The following NKAIN2 variants were observed in gnomAD, a reference collection of about 807,000 sequenced individuals.
The protein encoded by NKAIN2 is sodium/potassium-transporting ATPase subunit beta-1-interacting protein 2.
NKAIN2 carries 14 observed loss-of-function variants against 32.6 expected under a neutral mutation model. The ratio of observed to expected loss-of-function variants is 0.43; its 90% CI spans 0.28 to 0.67. NKAIN2 has a LOEUF of 0.67. Among genes scored for constraint, NKAIN2 ranks in the 30% least tolerant of loss-of-function variants. NKAIN2 has a pLI of 0.17. For missense variants in NKAIN2, 198 were observed against 258.3 expected (o/e 0.77, Z 1.60); for synonymous variants, 80 against 87.2 (o/e 0.92, Z 0.46).
At chr6:124,427,610 G>T (rs1775036142) in intron 3 of NKAIN2, among the ~76,000 whole-genome samples, 1 of 152,044 alleles carries the variant, frequency 6.6e-6, no homozygotes, top group South Asian at 2.1e-4. Flanking sequence ...TGAATAATTT[G>T]GATAAAGAAT....
intron 4 of NKAIN2, among the ~76,000 whole-genome samples, chr6:124,752,823 A>C (rs1394341279): frequency 6.6e-6 from 1 of 152,122 alleles, no homozygotes; most frequent in Non-Finnish European, 1.5e-5. Flanking sequence ...TTTTTGAAAT[A>C]CATCGTATTT....
intron 3 of NKAIN2, among the ~76,000 whole-genome samples, chr6:124,581,445 CAAAAAAAAAAAAAA>C (rs57280967): frequency 1.1e-4 from 9 of 81,438 alleles, no homozygotes; most frequent in African/African-American, 3.4e-4. Flanking sequence ...GACTCCGTCT[CAAAAAAAAAAAAAA>C]AAAAAAAAAA....
At chr6:123,942,401 TTAAAA>T (rs1486665115) in intron 1 of NKAIN2, among the ~76,000 whole-genome samples, 1 of 152,040 alleles carries the variant, frequency 6.6e-6, no homozygotes, top group Non-Finnish European at 1.5e-5. Context: ...CATGATAAAA[TTAAAA>T]TAAACCCTTT....
chr6:124,736,602 G>A (rs1401938811), intron 4 of NKAIN2, among the ~76,000 whole-genome samples: 1 of 151,930 alleles, frequency 6.6e-6, no homozygotes, highest in Admixed American at 6.6e-5. Context: ...CATTGCAAAA[G>A]TCCTAAGGAC....
chr6:124,518,453 C>T (rs750796732), intron 3 of NKAIN2, among the ~76,000 whole-genome samples: 1 of 151,998 alleles, frequency 6.6e-6, no homozygotes, highest in Non-Finnish European at 1.5e-5. Flanking sequence ...GCTTTACAGG[C>T]AGCATTGTGC....
In NKAIN2 at chr6:123,815,066, T is replaced by A. The variant is rs560508220; in HGVS notation, c.54+10812T>A. ...GAACATGTGCTGAATAAATTGTGTG[T>A]TTCTACCCTTTGGCAATTAGGATAT... On this transcript the variant is annotated intron_variant, in intron 1 of 6. Transcript: ENST00000368417. Among the ~76,000 whole-genome samples, 9 of 152,322 alleles carry A rather than the reference T, an allele frequency of 5.9e-5. No individual in the cohort carries two copies. The South Asian group carries it at 1.9e-3, about 32-fold the overall frequency.
chr6:124,784,543 G>C (rs1459874457), intron 4 of NKAIN2, among the ~76,000 whole-genome samples: 2 of 152,062 alleles, frequency 1.3e-5, no homozygotes, highest in African/African-American at 4.8e-5. Context: ...CATGCAGGCT[G>C]TTGCATGTAT....
intron 1 of NKAIN2, among the ~76,000 whole-genome samples, chr6:123,902,664 G>A (rs1373341889): frequency 6.6e-6 from 1 of 151,994 alleles, no homozygotes; most frequent in African/African-American, 2.4e-5. Context: ...CCCTGTTTGG[G>A]CATAATACAT....
chr6:124,808,927 G>T (rs1018051924), intron 5 of NKAIN2, among the ~76,000 whole-genome samples: 1 of 152,150 alleles, frequency 6.6e-6, no homozygotes, highest in African/African-American at 2.4e-5. Context: ...CCTTACAAGG[G>T]ACGTGAAGGA....
At chr6:124,591,262 G>T (rs1461003374) in intron 3 of NKAIN2, among the ~76,000 whole-genome samples, 1 of 152,202 alleles carries the variant, frequency 6.6e-6, no homozygotes, top group Non-Finnish European at 1.5e-5. Flanking sequence ...GACTCTTCTG[G>T]CCCGAGACAA....
intron 1 of NKAIN2, among the ~76,000 whole-genome samples, chr6:124,061,055 T>G (rs1490856701): frequency 6.6e-6 from 1 of 152,204 alleles, no homozygotes; most frequent in African/African-American, 2.4e-5. Flanking sequence ...TCATGTGATT[T>G]GATCAAAGGG....
At chr6:124,224,972 T>C (rs1792030996) in intron 1 of NKAIN2, among the ~76,000 whole-genome samples, 1 of 152,014 alleles carries the variant, frequency 6.6e-6, no homozygotes, top group Non-Finnish European at 1.5e-5. Context: ...AGTACTACAG[T>C]GGGCCCCAAG....
intron 4 of NKAIN2, among the ~76,000 whole-genome samples, chr6:124,677,117 C>T (rs571822502): frequency 3.3e-4 from 50 of 152,118 alleles, no homozygotes; most frequent in East Asian, 5.8e-4. Flanking sequence ...TGCAGGTCCA[C>T]GCCACCACAC....
In NKAIN2 at chr6:124,212,933, C is replaced by T. The variant is rs575968244; in HGVS notation, c.55-70072C>T. On this transcript the variant is annotated intron_variant, in intron 1 of 6. Coordinates refer to ENST00000368417, the MANE Select transcript of NKAIN2 (RefSeq NM_001040214.3). Reference sequence around the variant, plus strand: ...CAAAAATCAGTTTATTAATAGCTCTCCTGTGGAAACACTCATGATGTAAAT... The same window carrying T: ...CAAAAATCAGTTTATTAATAGCTCTTCTGTGGAAACACTCATGATGTAAAT... Among the ~76,000 whole-genome samples, 270 of 152,162 alleles carry T rather than the reference C, an allele frequency of 1.8e-3. 2 individuals are homozygous for T. Among genetic ancestry groups the T allele is most frequent in the Non-Finnish European group, 2.0e-3 (134 of 67,986 alleles).
chr6:123,886,660 A>G lies in NKAIN2; in HGVS notation c.54+82406A>G, dbSNP rs182888096. Among the ~76,000 whole-genome samples the G allele has an allele frequency of 4.1e-4, 63 of 152,268 alleles. No individual in the cohort carries two copies. In the East Asian group the frequency reaches 0.011, roughly 27 times the overall value. ...TTCTATGTAGAACATGTTAACGGAAAGGGGAAGCATATAAAGTTAATTTTT... is the reference window on the plus strand; with the variant it reads ...TTCTATGTAGAACATGTTAACGGAAGGGGGAAGCATATAAAGTTAATTTTT... On this transcript the variant is annotated intron_variant, in intron 1 of 6. Coordinates refer to ENST00000368417, the MANE Select transcript of NKAIN2 (RefSeq NM_001040214.3).
At chr6:124,696,887 A>G (rs938212661) in intron 4 of NKAIN2, among the ~76,000 whole-genome samples, 2 of 152,006 alleles carry the variant, frequency 1.3e-5, no homozygotes. Flanking sequence ...GGCTACTGTA[A>G]TTTGTTTGAC....
intron 3 of NKAIN2, among the ~76,000 whole-genome samples, chr6:124,480,391 G>A (rs1777397016): frequency 1.3e-5 from 2 of 152,164 alleles, no homozygotes; most frequent in South Asian, 4.1e-4. Flanking sequence ...AAGTGTGTTA[G>A]GAAAAGCCTA....
At chr6:124,430,246 T>C (rs1291638194) in intron 3 of NKAIN2, among the ~76,000 whole-genome samples, 1 of 152,234 alleles carries the variant, frequency 6.6e-6, no homozygotes, top group South Asian at 2.1e-4. Flanking sequence ...TCAAGTTATT[T>C]TGAAAAGTTT....
chr6:124,496,279 C>A (rs1479875997), intron 3 of NKAIN2, among the ~76,000 whole-genome samples: 1 of 152,130 alleles, frequency 6.6e-6, no homozygotes, highest in African/African-American at 2.4e-5. Flanking sequence ...GCTTTCACAT[C>A]TTTGATCTTA....
Sources: gnomAD v4.1 joint callset for allele counts (sites outside exome capture counted in the v4.1 genomes callset) on GRCh38, gnomAD v4.1.1 for gene constraint, MANE v1.5 for transcripts, NCBI Gene and HGNC (gene_info 2026-07-23, HGNC 2026-07-21) for gene names.